KANK3: variants seen among roughly 807,000 people sequenced by gnomAD.
KANK3 encodes the protein KN motif and ankyrin repeat domains 3, also known as KN motif and ankyrin repeat domain-containing protein 3.
KANK3 carries 61 observed loss-of-function variants against 65.4 expected under a neutral mutation model. The ratio of observed to expected loss-of-function variants is 0.93; its 90% CI spans 0.76 to 1.15. The LOEUF is 1.15. KANK3 is among the 50% of genes most tolerant of loss of function. The pLI is 0.00. For synonymous variants in KANK3, 586 were observed against 543.3 expected (o/e 1.08, Z -1.09); for missense variants, 1,187 against 1,178.8 (o/e 1.01, Z -0.10).
chr19:8,339,211 T>C (rs1047628042), intron 1 of KANK3, among the ~76,000 whole-genome samples: 10 of 152,170 alleles, frequency 6.6e-5, no homozygotes, highest in Non-Finnish European at 1.2e-4. Context: ...AATAATGTGA[T>C]ATTTAACAAG....
Position 8,335,597 on chromosome 19 carries a change from C to T in KANK3, c.230G>A (p.Arg77Gln), listed in dbSNP as rs1252994844. 3 of 1,229,532 alleles carry T rather than the reference C, an allele frequency of 2.4e-6. No individual in the cohort carries two copies. Among genetic ancestry groups the T allele is most frequent in the African/African-American group, 3.1e-5 (2 of 63,630 alleles). The allele number at this position is 1,229,532 out of a possible 1,614,324, so 76.2% of individuals were successfully genotyped here. The change falls in exon 3 of 11, where the codon CGG becomes CAG. Residue 77 changes from arginine to glutamine, a missense_variant. Transcript: ENST00000330915. ...PPTSRRPRAP[R>Q]PGLAGARSPG... ...GCTACGTGCGCCCGCGAGGCCGGGC[C>T]GGGGCGCGCGGGGACGGCGCGAGGT...
rs750217307 is a variant in KANK3 at position 8,333,837 on chromosome 19, A to G, written c.1635-29T>C. The stretch of plus-strand genomic sequence containing the variant: ...CAGAGGAGGCCAGGAGAGACTCAGG[A>G]TGGATCGGGGACAGCGCCGACCAGG... On this transcript the variant is annotated intron_variant, in intron 5 of 10. Transcript: ENST00000330915. The surrounding 1 kb of genome is among the most constrained non-coding windows in gnomAD (Gnocchi z 5.0). 1 of 1,547,250 alleles carries G rather than the reference A, an allele frequency of 6.5e-7. No homozygotes were observed. The highest frequency in any genetic ancestry group is 8.7e-7 in the Non-Finnish European group (1 of 1,146,018).
At chr19:8,324,406 A>G in intron 10 of KANK3, 43 bp downstream of exon 10, 1 of 1,521,546 alleles carries the variant, frequency 6.6e-7, no homozygotes. Context: ...TGCAAACTGA[A>G]TTTGCAGCTG....
chr19:8,323,028 A>G, intron 10 of KANK3, 106 bp from the exon 11 acceptor site: 1 of 632,842 alleles, frequency 1.6e-6, no homozygotes, highest in Non-Finnish European at 2.6e-6. Context: ...CCATGGACCC[A>G]GGCTGCCTGG....
intron 7 of KANK3, among the ~76,000 whole-genome samples, chr19:8,326,824 C>T (rs1046322658): frequency 1.3e-5 from 2 of 151,132 alleles, no homozygotes; most frequent in African/African-American, 4.9e-5. Context: ...AACCTGCCAA[C>T]ACCTTGATTT....
At position 8,333,836 on chromosome 19, in the gene KANK3, G is replaced by A. The variant is rs765161596; in HGVS notation, c.1635-28C>T. The A allele has an allele frequency of 5.8e-6, 9 of 1,547,198 alleles. No homozygotes were observed. In the South Asian group the frequency reaches 1.1e-4, roughly 18 times the overall value. On this transcript the variant is annotated intron_variant, in intron 5 of 10. Coordinates refer to ENST00000330915, the MANE Select transcript of KANK3 (RefSeq NM_198471.3). This position sits in a 1 kb window ranked among gnomAD's most constrained non-coding sequence, Gnocchi z 5.0. Reference sequence around the variant, plus strand: ...GCAGAGGAGGCCAGGAGAGACTCAGGATGGATCGGGGACAGCGCCGACCAG... The same window carrying A: ...GCAGAGGAGGCCAGGAGAGACTCAGAATGGATCGGGGACAGCGCCGACCAG...
chr19:8,339,976 A>G (rs1568205421), intron 1 of KANK3, among the ~76,000 whole-genome samples: 1 of 137,600 alleles, frequency 7.3e-6, no homozygotes, highest in Non-Finnish European at 1.5e-5. Flanking sequence ...AAAAAAAAAA[A>G]AAAAAAAAGA....
At chr19:8,324,412 A>G (rs1033388729) in intron 10 of KANK3, 37 bp downstream of exon 10, 6 of 1,539,388 alleles carry the variant, frequency 3.9e-6, no homozygotes, top group Non-Finnish European at 5.3e-6. Flanking sequence ...CTGAATTTGC[A>G]GCTGGGAAAG....
Position 8,334,792 on chromosome 19 carries a change from C to G in KANK3, c.1035G>C (p.Leu345=), listed in dbSNP as rs1044691046. The G allele has an allele frequency of 2.0e-5, 30 of 1,498,730 alleles. 1 individual carries two copies. The African/African-American group carries it at 4.2e-4, about 21-fold the overall frequency. 92.8% of individuals were successfully genotyped at this position (1,498,730 alleles called of 1,614,324 possible). The change falls in exon 3 of 11, where the codon CTG becomes CTC. Residue 345 remains leucine (L), a synonymous_variant. Transcript: ENST00000330915. ...CGCGCTCGGCGGCCGCAGGCAGCCC[C>G]AGCAGCGCCTCGGTCACCCACGCGT... The part of the protein sequence containing the change: ...EADAWVTEAL[L]GLPAAAEREL...
At chr19:8,330,841 T>A (rs967526138) in intron 7 of KANK3, among the ~76,000 whole-genome samples, 2 of 151,150 alleles carry the variant, frequency 1.3e-5, no homozygotes, top group African/African-American at 4.9e-5. Flanking sequence ...GAGGTGGAGG[T>A]TGCAGTGAGC....
At position 8,334,226 on chromosome 19, in the gene KANK3, C is replaced by T. The variant is rs988089806; in HGVS notation, c.1427+94G>A. On this transcript the variant is annotated intron_variant, in intron 4 of 10. Coordinates refer to ENST00000330915, the MANE Select transcript of KANK3 (RefSeq NM_198471.3). ...TTAACGATGAGGAAACTGAGGATTGCCCAGACCACGCTGCCAGTAGAGGGG... is the reference window on the plus strand; with the variant it reads ...TTAACGATGAGGAAACTGAGGATTGTCCAGACCACGCTGCCAGTAGAGGGG... 4.5e-6 allele frequency: 7 copies of T among 1,552,218 alleles called. No individual in the cohort carries two copies. In the Admixed American group the frequency reaches 7.7e-5, roughly 17 times the overall value.
intron 7 of KANK3, among the ~76,000 whole-genome samples, chr19:8,328,099 G>A (rs1443271623): frequency 2.6e-5 from 4 of 152,086 alleles, no homozygotes; most frequent in South Asian, 2.1e-4. Flanking sequence ...ACAACAGAGC[G>A]AGACCTCATC....
Position 8,334,045 on chromosome 19 carries a change from G to C in KANK3, c.1499C>G (p.Pro500Arg), listed in dbSNP as rs940510744. The stretch of plus-strand genomic sequence containing the variant: ...ATCCCCGGAGCCCGAGGAGCTACCC[G>C]GGGGCTCGGCGCCACCGTTCTCGCT... ...GDSENGGAEP[P>R]GSSSGSGDDS... The change falls in exon 5 of 11, where the codon CCG (proline) becomes CGG (arginine). Residue 500 changes from proline to arginine, a missense_variant. Physicochemically the swap from Pro to Arg is moderately radical, Grantham distance 103 (BLOSUM62 -2). Coordinates refer to ENST00000330915, the MANE Select transcript of KANK3 (RefSeq NM_198471.3). The C allele has an allele frequency of 1.9e-6, 3 of 1,541,784 alleles. No individual in the cohort carries two copies. The highest frequency in any genetic ancestry group is 2.6e-6 in the Non-Finnish European group (3 of 1,148,982).
rs1970574124 is a variant in KANK3, at chr19:8,333,778, C to T, written c.1665G>A (p.Ala555=). ...TCAGCTGCCGCTGCAGCGCTACGCA[C>T]GCCTCCCTCAGACGCGGGCTCAGCT... is the stretch of plus-strand genomic sequence containing the variant. ...RCELSPRLRE[A]CVALQRQLSR... The change falls in exon 6 of 11, where the codon GCG becomes GCA. Residue 555 remains alanine (A), a synonymous_variant. Coordinates refer to ENST00000330915, the MANE Select transcript of KANK3 (RefSeq NM_198471.3). This position sits in a 1 kb window ranked among gnomAD's most constrained non-coding sequence, Gnocchi z 5.0. 1 of 1,514,660 alleles carries T rather than the reference C, an allele frequency of 6.6e-7. No individual in the cohort carries two copies. Among genetic ancestry groups the T allele is most frequent in the Non-Finnish European group, 8.9e-7 (1 of 1,128,382 alleles). 93.8% of individuals were successfully genotyped at this position (1,514,660 alleles called of 1,614,324 possible).
chr19:8,337,740 A>G (rs1970666436), intron 2 of KANK3, 55 bp downstream of exon 2: 1 of 1,595,932 alleles, frequency 6.3e-7, no homozygotes, highest in Non-Finnish European at 8.6e-7. Context: ...AAGGGCATCA[A>G]GCGTTTCTCT....
intron 1 of KANK3, among the ~76,000 whole-genome samples, chr19:8,340,291 T>TACACACACACACACAC (rs147457593): frequency 1.1e-5 from 1 of 92,862 alleles, no homozygotes; most frequent in African/African-American, 4.4e-5. Context: ...TATATATATA[T>TACACACACACACACAC]ACACACACAC....
Position 8,334,341 on chromosome 19 carries a change from A to G in KANK3, c.1406T>C (p.Phe469Ser). 6.2e-7 allele frequency: 1 copy of G among 1,614,120 alleles called. No individual in the cohort carries two copies. The highest frequency in any genetic ancestry group is 8.5e-7 in the Non-Finnish European group (1 of 1,180,004). ...QPSSGPKSLQ[F>S]VGVLNGEYES... The stretch of plus-strand genomic sequence containing the variant: ...TCACTCTCCGTTGAGGACCCCAACA[A>G]ACTGCAGGCTCTTGGGTCCGGAGCT... The change falls in exon 4 of 11, where the codon TTT becomes TCT. Residue 469 changes from phenylalanine to serine, a missense_variant. This residue lies in a region of KANK3 where 1,078 missense variants were observed against 1,038.2 expected (regional missense o/e 1.04). Transcript: ENST00000330915.
chr19:8,325,191 A>G, intron 7 of KANK3, 95 bp from the exon 8 acceptor site: 2 of 1,373,408 alleles, frequency 1.5e-6, no homozygotes, highest in East Asian at 2.5e-5. Flanking sequence ...CAGCACCTGC[A>G]TATGGGGTGG....
rs1484817246 is a variant in KANK3, at chr19:8,335,410, C to T, written c.417G>A (p.Arg139=). 1.7e-6 allele frequency: 2 copies of T among 1,204,532 alleles called. No homozygotes were observed. The highest frequency in any genetic ancestry group is 6.9e-5 in the East Asian group (2 of 28,920). 74.6% of individuals were successfully genotyped at this position (1,204,532 alleles called of 1,614,324 possible). The part of the protein sequence containing the change: ...RVEHTLRETS[R]RLELAQTHER... ...CGTGTGTCTGCGCCAGCTCCAGCCG[C>T]CGGCTGGTCTCCCGGAGCGTGTGCT... The change falls in exon 3 of 11, where the codon CGG becomes CGA. Residue 139 remains arginine, a synonymous_variant. Transcript: ENST00000330915.
Sources: allele counts gnomAD v4.1 joint callset (sites outside exome capture counted in the v4.1 genomes callset), GRCh38; gene constraint gnomAD v4.1.1; regional missense constraint gnomAD v4.1.1; non-coding constraint Gnocchi (gnomAD v3.1); transcripts MANE v1.5; gene names NCBI Gene and HGNC (gene_info 2026-07-23, HGNC 2026-07-21).